Variants in TNRC6C observed in about 807,000 individuals in gnomAD.
TNRC6C encodes the protein trinucleotide repeat-containing gene 6C protein.
TNRC6C carries 20 observed loss-of-function variants against 153.7 expected under a neutral mutation model. The ratio of observed to expected loss-of-function variants is 0.13; its 90% confidence interval spans 0.09 to 0.19. The LOEUF is 0.19. TNRC6C is among the 10% of genes least tolerant of loss of function. The pLI is 1.00. For missense variants in TNRC6C, 1,987 were observed against 2,172.0 expected (o/e 0.91, Z 1.69); for synonymous variants, 811 against 841.4 (o/e 0.96, Z 0.63).
intron 3 of TNRC6C, among the ~76,000 whole-genome samples, chr17:78,055,059 C>A (rs1171940852): frequency 6.6e-6 from 1 of 152,224 alleles, no homozygotes. Context: ...GTACTGCGCA[C>A]CACTGTAGAC....
chr17:78,069,730 T>C (rs2072954253), intron 5 of TNRC6C, among the ~76,000 whole-genome samples: 1 of 152,208 alleles, frequency 6.6e-6, no homozygotes, highest in African/African-American at 2.4e-5. Flanking sequence ...TATCTATGTA[T>C]TGATATGAAA....
chr17:77,982,477 T>C (rs558060434), intron 1 of TNRC6C, among the ~76,000 whole-genome samples: 21 of 151,460 alleles, frequency 1.4e-4, no homozygotes, highest in African/African-American at 4.6e-4. Flanking sequence ...AGAAAGGAAA[T>C]AAAATAATAA....
At chr17:77,964,426 A>G (rs891600781) in intron 1 of TNRC6C, among the ~76,000 whole-genome samples, 29 of 152,222 alleles carry the variant, frequency 1.9e-4, no homozygotes, top group Non-Finnish European at 2.9e-5. Context: ...GGCTAATACC[A>G]GATGCAAGTT....
At chr17:78,006,543 CT>C (rs1363715220) in intron 1 of TNRC6C, among the ~76,000 whole-genome samples, 1 of 128,462 alleles carries the variant, frequency 7.8e-6, no homozygotes, top group Non-Finnish European at 1.7e-5. Context: ...TCTTCTTCTT[CT>C]TCTTCTTCTT....
At chr17:78,043,966 T>C (rs538942663) in intron 2 of TNRC6C, among the ~76,000 whole-genome samples, 1 of 152,352 alleles carries the variant, frequency 6.6e-6, no homozygotes, top group East Asian at 1.9e-4. Flanking sequence ...CATCTGTTTA[T>C]GGACACATAG....
chr17:78,099,889 A>T (rs138494241), intron 17 of TNRC6C, among the ~76,000 whole-genome samples: 2,063 of 152,236 alleles, frequency 0.014, 29 homozygotes, highest in Non-Finnish European at 0.022. Context: ...TACTTCCTAG[A>T]TACAATGGGG....
intron 1 of TNRC6C, among the ~76,000 whole-genome samples, chr17:78,006,597 TTCC>T (rs2071517681): frequency 1.4e-5 from 2 of 147,372 alleles, no homozygotes; most frequent in African/African-American, 2.6e-5. Context: ...TTCTTCCTTC[TTCC>T]TCCTTCTTCC....
At chr17:78,082,406 C>T (rs1232245317) in intron 10 of TNRC6C, among the ~76,000 whole-genome samples, 1 of 152,100 alleles carries the variant, frequency 6.6e-6, no homozygotes, top group Non-Finnish European at 1.5e-5. Context: ...ATAGTGTGTG[C>T]ATCAGCAGTT....
At chr17:77,958,962 C>T (rs984052701), upstream of TNRC6C, among the ~76,000 whole-genome samples, 4 of 146,336 alleles carry the variant, frequency 2.7e-5, no homozygotes, top group African/African-American at 9.8e-5. Context: ...CCGCCGCCGC[C>T]GCCGCCTAGG....
intron 16 of TNRC6C, 100 bp from the exon 20 acceptor site, chr17:78,098,243 T>G (rs2073523808): frequency 1.7e-6 from 2 of 1,157,888 alleles, no homozygotes; most frequent in Non-Finnish European, 2.4e-6. Context: ...TCACACAGTC[T>G]GCTGGTGTTA....
intron 17 of TNRC6C, among the ~76,000 whole-genome samples, chr17:78,101,558 G>A (rs4789534): frequency 0.11 from 15,997 of 152,068 alleles, 974 homozygotes; most frequent in African/African-American, 0.15. Flanking sequence ...GAAATAGAGC[G>A]GTGTGAAGTG....
chr17:77,995,689 G>T (rs1284221991), intron 1 of TNRC6C, among the ~76,000 whole-genome samples: 1 of 152,118 alleles, frequency 6.6e-6, no homozygotes, highest in Non-Finnish European at 1.5e-5. Flanking sequence ...ACTGATTGGA[G>T]ATTTTCTTCT....
At chr17:78,007,663 AGT>A (rs1293324361) in intron 1 of TNRC6C, among the ~76,000 whole-genome samples, 1 of 152,224 alleles carries the variant, frequency 6.6e-6, no homozygotes, top group Non-Finnish European at 1.5e-5. Context: ...CAAGGCCCTG[AGT>A]TGTTTGAATA....
At chr17:78,055,102 G>C (rs1004075290) in intron 3 of TNRC6C, among the ~76,000 whole-genome samples, 1 of 152,198 alleles carries the variant, frequency 6.6e-6, no homozygotes, top group African/African-American at 2.4e-5. Flanking sequence ...GTACGCTTAG[G>C]CCACACTACA....
chr17:77,961,656 C>G (rs556218962), intron 1 of TNRC6C, among the ~76,000 whole-genome samples: 3 of 152,210 alleles, frequency 2.0e-5, no homozygotes, highest in African/African-American at 7.2e-5. Flanking sequence ...TAGCATATGT[C>G]TTAACACTAA....
chr17:77,962,758 C>T (rs1455126431), intron 1 of TNRC6C, among the ~76,000 whole-genome samples: 2 of 152,194 alleles, frequency 1.3e-5, no homozygotes, highest in Non-Finnish European at 2.9e-5. Flanking sequence ...TTCTCCAGCT[C>T]TATCTCAGAG....
At position 78,093,776 on chromosome 17, in the gene TNRC6C, C is replaced by T. The variant is rs1203295947; in HGVS notation, c.4306+13C>T. Reference sequence around the variant, plus strand: ...CTCAAGAGTGGAGGTGAGGGTGCTGCTCTTCCTGCCTCTGCATGGACGGTC... The same window carrying T: ...CTCAAGAGTGGAGGTGAGGGTGCTGTTCTTCCTGCCTCTGCATGGACGGTC... On this transcript the variant is annotated intron_variant, in intron 16 of 19. Coordinates refer to ENST00000301624, the Ensembl canonical transcript of TNRC6C. 6.2e-7 allele frequency: 1 copy of T among 1,613,390 alleles called. No individual in the cohort carries two copies. Among genetic ancestry groups the T allele is most frequent in the Non-Finnish European group, 8.5e-7 (1 of 1,179,710 alleles).
chr17:77,986,426 A>AAAAAAAAAG (rs111490213), intron 1 of TNRC6C, among the ~76,000 whole-genome samples: 4 of 141,036 alleles, frequency 2.8e-5, no homozygotes, highest in Admixed American at 7.1e-5. Context: ...AAAAAAAAAA[A>AAAAAAAAAG]AAGAAGAAGA....
intron 1 of TNRC6C, among the ~76,000 whole-genome samples, chr17:78,028,995 G>A (rs2072003124): frequency 1.3e-5 from 2 of 152,194 alleles, no homozygotes; most frequent in Non-Finnish European, 2.9e-5. Flanking sequence ...ATGCTAATTA[G>A]TAAACCCTAT....
Sources: allele counts gnomAD v4.1 joint callset (sites outside exome capture counted in the v4.1 genomes callset), GRCh38; gene constraint gnomAD v4.1.1; transcripts MANE v1.5; gene names NCBI Gene and HGNC (gene_info 2026-07-23, HGNC 2026-07-21).